The following AGBL1 variants were observed in gnomAD, a reference collection of about 807,000 sequenced individuals.
AGBL1 encodes the protein AGBL carboxypeptidase 1, also known as cytosolic carboxypeptidase 4.
Under a neutral mutation model 118.9 loss-of-function variants are expected in AGBL1, and 130 were observed. The ratio of observed to expected loss-of-function variants is 1.09; its 90% CI spans 0.95 to 1.26. The LOEUF is 1.26. Ranked by LOEUF, AGBL1 falls within the 50% of genes most tolerant of loss-of-function variation. AGBL1 has a pLI of 0.00. For missense variants in AGBL1, 1,584 were observed against 1,298.1 expected (o/e 1.22, Z -3.38); for synonymous variants, 555 against 478.9 (o/e 1.16, Z -2.08).
intron 22 of AGBL1, among the ~76,000 whole-genome samples, chr15:86,790,262 A>G (rs901257941): frequency 1.3e-5 from 2 of 152,072 alleles, no homozygotes; most frequent in South Asian, 4.1e-4. Flanking sequence ...AACATTATCA[A>G]CCTGAGGAAA....
intron 21 of AGBL1, among the ~76,000 whole-genome samples, chr15:86,577,745 A>G (rs1045912475): frequency 6.6e-6 from 1 of 152,204 alleles, no homozygotes; most frequent in Admixed American, 6.5e-5. Context: ...GGGCCAACAT[A>G]GAGCTCGGGC....
At chr15:86,898,051 C>T (rs2080156772) in intron 22 of AGBL1, among the ~76,000 whole-genome samples, 1 of 151,968 alleles carries the variant, frequency 6.6e-6, no homozygotes, top group South Asian at 2.1e-4. Context: ...GGACTACAGG[C>T]ATGAGCCACT....
At position 87,005,398 on chromosome 15, in the gene AGBL1, C is replaced by CT. The variant is rs545503931; in HGVS notation, c.3323+17316dup. Among the ~76,000 whole-genome samples, 840 of 152,238 alleles carry CT rather than the reference C, an allele frequency of 5.5e-3. 9 individuals are homozygous for CT. The highest frequency in any genetic ancestry group is 0.027 in the Middle Eastern group (8 of 294). On this transcript the variant is annotated intron_variant, in intron 24 of 24. Coordinates refer to the AGBL1 transcript ENST00000441037. ...GAGGCTTTGTTCTTTTCTTTTTATTCTTTTTTCTCTAAACTTCTCTTCTCA... is the reference window on the plus strand; with the variant it reads ...GAGGCTTTGTTCTTTTCTTTTTATTCTTTTTTTCTCTAAACTTCTCTTCTCA...
At chr15:86,409,423 G>A (rs962426041) in intron 18 of AGBL1, among the ~76,000 whole-genome samples, 30 of 152,114 alleles carry the variant, frequency 2.0e-4, no homozygotes, top group African/African-American at 7.0e-4. Flanking sequence ...GCTGGATTCT[G>A]GGAGTGTGTT....
chr15:86,258,092 T>G, intron 9 of AGBL1, 61 bp downstream of exon 9: 1 of 1,545,848 alleles, frequency 6.5e-7, no homozygotes, highest in Admixed American at 2.0e-5. Context: ...CAGAAAAATA[T>G]TACTTCCTGT....
At chr15:86,702,870 C>A (rs1184625249) in intron 22 of AGBL1, among the ~76,000 whole-genome samples, 4 of 151,180 alleles carry the variant, frequency 2.6e-5, no homozygotes, top group African/African-American at 9.7e-5. Context: ...CCTCCAATGA[C>A]TTGGACTATA....
chr15:86,999,462 A>T (rs1179468694), intron 24 of AGBL1, among the ~76,000 whole-genome samples: 2 of 147,264 alleles, frequency 1.4e-5, no homozygotes, highest in East Asian at 3.9e-4. Context: ...ATGAGTGAGA[A>T]TATGCGGTGT....
At chr15:86,115,747 G>A (rs868665193) in intron 1 of AGBL1, among the ~76,000 whole-genome samples, 1 of 152,072 alleles carries the variant, frequency 6.6e-6, no homozygotes, top group Non-Finnish European at 1.5e-5. Flanking sequence ...CTTTCCTAGG[G>A]CATCTTCCTC....
chr15:86,766,586 A>G (rs1183850539), intron 22 of AGBL1, among the ~76,000 whole-genome samples: 1 of 151,964 alleles, frequency 6.6e-6, no homozygotes, highest in East Asian at 1.9e-4. Flanking sequence ...TTCTATTATA[A>G]GGGAACAAGT....
chr15:86,286,507 T>C (rs1020405802), intron 16 of AGBL1, among the ~76,000 whole-genome samples: 1 of 151,948 alleles, frequency 6.6e-6, no homozygotes, highest in African/African-American at 2.4e-5. Context: ...ACCATTCTAC[T>C]CTCTGTTTCT....
chr15:86,206,207 C>T (rs996895830), intron 5 of AGBL1, among the ~76,000 whole-genome samples: 1 of 152,118 alleles, frequency 6.6e-6, no homozygotes, highest in African/African-American at 2.4e-5. Context: ...TTAATCCAGT[C>T]TATCATCATT....
intron 21 of AGBL1, among the ~76,000 whole-genome samples, chr15:86,667,549 T>G (rs2085669114): frequency 6.6e-6 from 1 of 152,148 alleles, no homozygotes; most frequent in Admixed American, 6.5e-5. Flanking sequence ...ACTGTTTAAT[T>G]TCAGTTATTT....
At chr15:86,252,328 A>G (rs1387685703) in intron 7 of AGBL1, among the ~76,000 whole-genome samples, 1 of 152,176 alleles carries the variant, frequency 6.6e-6, no homozygotes, top group African/African-American at 2.4e-5. Flanking sequence ...ACTGAATTCT[A>G]AAGAGAATAT....
At chr15:87,028,011 C>T (rs552853755) in intron 24 of AGBL1, among the ~76,000 whole-genome samples, 1 of 148,964 alleles carries the variant, frequency 6.7e-6, no homozygotes, top group African/African-American at 2.5e-5. Context: ...AACAAACCTG[C>T]ACATCCTGCG....
chr15:86,155,888 C>G (rs1432272477), intron 4 of AGBL1, among the ~76,000 whole-genome samples: 1 of 152,020 alleles, frequency 6.6e-6, no homozygotes, highest in African/African-American at 2.4e-5. Context: ...GTGGCTTAAA[C>G]AAAAGAAATG....
At chr15:87,007,615 A>C (rs543774068) in intron 24 of AGBL1, among the ~76,000 whole-genome samples, 11 of 152,348 alleles carry the variant, frequency 7.2e-5, no homozygotes, top group African/African-American at 2.6e-4. Context: ...CTATATAAGA[A>C]GTTGGGAGGG....
chr15:86,561,960 G>C (rs368702504), intron 21 of AGBL1, among the ~76,000 whole-genome samples: 4,336 of 152,148 alleles, frequency 0.028, 98 homozygotes, highest in East Asian at 0.08. Context: ...CTGTTTGTCT[G>C]TTATTGGTGT....
chr15:86,825,477 A>C (rs981922491), intron 22 of AGBL1, among the ~76,000 whole-genome samples: 1 of 150,520 alleles, frequency 6.6e-6, no homozygotes, highest in Non-Finnish European at 1.5e-5. Flanking sequence ...TACTAAATAA[A>C]AACTCTTACA....
At chr15:86,087,091 C>T (rs193245291) in intron 1 of AGBL1, among the ~76,000 whole-genome samples, 3 of 152,252 alleles carry the variant, frequency 2.0e-5, no homozygotes, top group African/African-American at 7.2e-5. Flanking sequence ...ACATAGATAC[C>T]ATTAGCTAGC....
Sources: gnomAD v4.1 joint callset for allele counts (sites outside exome capture counted in the v4.1 genomes callset) on GRCh38, gnomAD v4.1.1 for gene constraint, MANE v1.5 for transcripts, NCBI Gene and HGNC (gene_info 2026-07-23, HGNC 2026-07-21) for gene names.